ANK3: variants seen among roughly 807,000 people sequenced by gnomAD.
ANK3 encodes the protein ankyrin-3.
A neutral mutation model predicts 370.9 loss-of-function variants in ANK3; 57 were observed. That is an observed-to-expected ratio of 0.15 (90% CI 0.12 to 0.19). The LOEUF is 0.19. Among genes scored for constraint, ANK3 ranks in the 10% least tolerant of loss-of-function variants. The probability of loss-of-function intolerance (pLI) is 1.00; values close to 1 mark genes in which losing one functional copy is unlikely to be tolerated. For missense variants in ANK3, 4,439 were observed against 5,302.1 expected (o/e 0.84, Z 5.06); for synonymous variants, 1,929 against 1,946.3 (o/e 0.99, Z 0.23).
At chr10:60,438,514 C>T (rs2064214101) in intron 2 of ANK3, among the ~76,000 whole-genome samples, 2 of 152,076 alleles carry the variant, frequency 1.3e-5, no homozygotes, top group Non-Finnish European at 2.9e-5. Flanking sequence ...AATAAAAAGC[C>T]CAGTTTAAAA....
chr10:60,223,611 GA>G (rs35681627), intron 8 of ANK3, among the ~76,000 whole-genome samples: 7 of 151,856 alleles, frequency 4.6e-5, no homozygotes, highest in African/African-American at 9.7e-5. Flanking sequence ...TCAGGCTAGT[GA>G]AAAAAAATAT....
intron 1 of ANK3, among the ~76,000 whole-genome samples, chr10:60,297,948 T>C (rs1025852320): frequency 6.6e-6 from 1 of 152,128 alleles, no homozygotes; most frequent in Non-Finnish European, 1.5e-5. Context: ...AACAATAAAA[T>C]GAGGGATTCC....
intron 41 of ANK3, among the ~76,000 whole-genome samples, chr10:60,056,360 TCAGGAACCTGAGG>T (rs71015762): frequency 0.25 from 38,124 of 151,932 alleles, 5,371 homozygotes; most frequent in East Asian, 0.6. Flanking sequence ...TCCCAGCTAC[TCAGGAACCTGAGG>T]CAGGAGGATT....
At chr10:60,719,756 A>G (rs1440747905) in intron 1 of ANK3, among the ~76,000 whole-genome samples, 1 of 152,172 alleles carries the variant, frequency 6.6e-6, no homozygotes, top group East Asian at 1.9e-4. Context: ...TAAATATTTT[A>G]TTAACCTTTC....
At chr10:60,344,630 C>A (rs2055003435) in intron 1 of ANK3, among the ~76,000 whole-genome samples, 1 of 145,026 alleles carries the variant, frequency 6.9e-6, no homozygotes, top group African/African-American at 2.5e-5. Context: ...GTTATTGGCA[C>A]TAGGTACACA....
chr10:60,574,294 G>T (rs146717754), intron 2 of ANK3, among the ~76,000 whole-genome samples: 3 of 152,256 alleles, frequency 2.0e-5, no homozygotes. Context: ...CAAGTGACAC[G>T]CTCAGAGAGC....
chr10:60,473,458 A>G (rs909846518), intron 2 of ANK3, among the ~76,000 whole-genome samples: 3 of 152,220 alleles, frequency 2.0e-5, no homozygotes, highest in Non-Finnish European at 2.9e-5. Context: ...ATGCAAGAGT[A>G]TAAGTCAGGA....
chr10:60,225,909 T>A (rs948416259), intron 8 of ANK3, among the ~76,000 whole-genome samples: 3 of 150,644 alleles, frequency 2.0e-5, no homozygotes, highest in African/African-American at 7.3e-5. Flanking sequence ...TTTTAGTTAA[T>A]TTTTTTTGGG....
chr10:60,519,070 T>C (rs866255899), intron 2 of ANK3, among the ~76,000 whole-genome samples: 13 of 152,126 alleles, frequency 8.5e-5, no homozygotes, highest in African/African-American at 3.1e-4. Context: ...TAAGAGAATA[T>C]TACCCTTGCT....
At chr10:60,345,218 G>A (rs772759452) in intron 1 of ANK3, among the ~76,000 whole-genome samples, 4 of 152,106 alleles carry the variant, frequency 2.6e-5, no homozygotes, top group Admixed American at 6.6e-5. Flanking sequence ...TTGAAAATAA[G>A]CAAATGGGGT....
chr10:60,337,315 T>C (rs1168968926), intron 1 of ANK3, among the ~76,000 whole-genome samples: 2 of 152,154 alleles, frequency 1.3e-5, no homozygotes, highest in Non-Finnish European at 2.9e-5. Flanking sequence ...AGTTTTTTCT[T>C]TGCTGCCCCC....
intron 43 of ANK3, 53 bp from the exon 44 acceptor site, chr10:60,029,879 T>TTTTTTTTC (rs2072949540): frequency 6.9e-5 from 2 of 29,006 alleles, no homozygotes; most frequent in African/African-American, 1.4e-4. Context: ...CTTTTTCTTT[T>TTTTTTTTC]TTTTTTTTTT....
At chr10:60,482,402 A>C (rs1231889159) in intron 2 of ANK3, among the ~76,000 whole-genome samples, 1 of 152,200 alleles carries the variant, frequency 6.6e-6, no homozygotes, top group Non-Finnish European at 1.5e-5. Context: ...CCTTCAGCTA[A>C]TCTTCAACCA....
At chr10:60,444,056 T>A (rs1178439400) in intron 2 of ANK3, among the ~76,000 whole-genome samples, 3 of 152,078 alleles carry the variant, frequency 2.0e-5, no homozygotes, top group Admixed American at 2.0e-4. Context: ...GAATTTTCAT[T>A]AAAAAAACAT....
chr10:60,604,543 C>T (rs561194385), intron 2 of ANK3, among the ~76,000 whole-genome samples: 1 of 152,284 alleles, frequency 6.6e-6, no homozygotes, highest in Admixed American at 6.5e-5. Flanking sequence ...TTGTGAACTC[C>T]TCTCCTGGTT....
chr10:60,262,979 G>GGGAGA (rs1161437969), intron 6 of ANK3, among the ~76,000 whole-genome samples: 1 of 152,124 alleles, frequency 6.6e-6, no homozygotes, highest in Non-Finnish European at 1.5e-5. Context: ...TGCTCCTTTG[G>GGGAGA]GGAGAGGAGG....
intron 2 of ANK3, among the ~76,000 whole-genome samples, chr10:60,469,762 A>G (rs1460148404): frequency 6.8e-6 from 1 of 147,482 alleles, no homozygotes; most frequent in African/African-American, 2.5e-5. Context: ...TTCTCTTCCA[A>G]TTGTAAACTT....
chr10:60,607,238 C>T (rs1457183273), intron 2 of ANK3, among the ~76,000 whole-genome samples: 2 of 152,066 alleles, frequency 1.3e-5, no homozygotes, highest in African/African-American at 4.8e-5. Flanking sequence ...TAAACCATCC[C>T]ATAAGGTAGG....
chr10:60,419,639 G>C (rs1567025100), intron 2 of ANK3, among the ~76,000 whole-genome samples: 1 of 152,132 alleles, frequency 6.6e-6, no homozygotes, highest in Non-Finnish European at 1.5e-5. Flanking sequence ...CTCTTGGCCT[G>C]TTACATTCAG....
Sources: gnomAD v4.1 joint callset for allele counts (sites outside exome capture counted in the v4.1 genomes callset) on GRCh38, gnomAD v4.1.1 for gene constraint, MANE v1.5 for transcripts, NCBI Gene and HGNC (gene_info 2026-07-23, HGNC 2026-07-21) for gene names.